PYROXD2: variants seen among roughly 807,000 people sequenced by gnomAD.
PYROXD2 encodes pyridine nucleotide-disulphide oxidoreductase domain 2.
In PYROXD2, 69 loss-of-function variants were observed where a neutral mutation model predicts 71.1. The observed-to-expected ratio is 0.97, with a 90% confidence interval of 0.80 to 1.19. The LOEUF is 1.19. Among genes scored for constraint, PYROXD2 ranks in the 50% most tolerant of loss-of-function variants. The pLI is 0.00. For synonymous variants in PYROXD2, 287 were observed against 302.7 expected (o/e 0.95, Z 0.54); for missense variants, 745 against 748.9 (o/e 0.99, Z 0.06).
intron 1 of PYROXD2, among the ~76,000 whole-genome samples, chr10:98,412,113 C>A (rs1413058786): frequency 6.6e-6 from 1 of 152,190 alleles, no homozygotes; most frequent in African/African-American, 2.4e-5. Flanking sequence ...AGGGACCCTG[C>A]AGTGTGGCAA....
rs1842888150 is a variant in PYROXD2 at position 98,389,818 on chromosome 10, G to A, written c.1292+780C>T. Reference sequence around the variant, plus strand: ...TTCCTCTCATGGATAGAGAGTCAACGACCTGAGACTTTCTTGGCTTTGCTT... The same window carrying A: ...TTCCTCTCATGGATAGAGAGTCAACAACCTGAGACTTTCTTGGCTTTGCTT... On this transcript the variant is annotated intron_variant, in intron 12 of 15. Coordinates refer to ENST00000370575, the MANE Select transcript of PYROXD2 (RefSeq NM_032709.3). Among the ~76,000 whole-genome samples, 3 of 152,134 alleles carry A rather than the reference G, an allele frequency of 2.0e-5. No homozygotes were observed. The South Asian group carries it at 6.2e-4, about 32-fold the overall frequency.
chr10:98,386,112 CA>C (rs35276474), intron 14 of PYROXD2, among the ~76,000 whole-genome samples: 42,150 of 133,828 alleles, frequency 0.31, 6,063 homozygotes, highest in South Asian at 0.44. Context: ...CTCATCTCTA[CA>C]AAAAAAAAAA....
In PYROXD2 at chr10:98,392,967, T is replaced by C. The variant is rs767895596; in HGVS notation, c.902A>G (p.His301Arg). 3.1e-6 allele frequency: 5 copies of C among 1,613,840 alleles called. No homozygotes were observed. Among genetic ancestry groups the C allele is most frequent in the Non-Finnish European group, 3.4e-6 (4 of 1,179,906 alleles). The stretch of plus-strand genomic sequence containing the variant: ...CTTTTCAGTGAAGATGCTTGCTCCA[T>C]GTGTGGTGGCTGAGCTTGCGATCGC... Reference protein sequence around the residue: ...SDAIASSATTHGASIFTEKTV... With the variant: ...SDAIASSATTRGASIFTEKTV... The change falls in exon 9 of 16, where the codon CAT becomes CGT. Residue 301 changes from histidine (H) to arginine (R), a missense_variant. By Grantham distance (29) the His-to-Arg change is conservative. Coordinates refer to ENST00000370575, the MANE Select transcript of PYROXD2 (RefSeq NM_032709.3).
Position 98,408,069 on chromosome 10 carries a change from C to T in PYROXD2, c.148-72G>A, listed in dbSNP as rs954454084. 2.1e-5 allele frequency: 30 copies of T among 1,450,132 alleles called. 1 individual carries two copies. In the East Asian group the frequency reaches 2.5e-4, roughly 12 times the overall value. The allele number at this position is 1,450,132 out of a possible 1,614,324, so 89.8% of individuals were successfully genotyped here. A position where few individuals can be genotyped will look rare whatever the true frequency, so the allele number is the denominator to read the frequency against. ...ATGTCAGGGCTCCCTCGGGCTGACCCGCAGACTAAGGTCCTCACTATAGGC... is the reference window on the plus strand; with the variant it reads ...ATGTCAGGGCTCCCTCGGGCTGACCTGCAGACTAAGGTCCTCACTATAGGC... On this transcript the variant is annotated intron_variant, in intron 2 of 15. Transcript: ENST00000370575.
At chr10:98,399,956 T>C in intron 5 of PYROXD2, 146 bp downstream of exon 5, 1 of 913,956 alleles carries the variant, frequency 1.1e-6, no homozygotes, top group Non-Finnish European at 1.6e-6. Flanking sequence ...GATCAAGAGC[T>C]GCCACCAACT....
chr10:98,392,999 G>A lies in PYROXD2; in HGVS notation c.870C>T (p.Leu290=), dbSNP rs982998005. Residue 290 remains leucine, a synonymous_variant, in exon 9 of 16, where the codon CTC becomes CTT. Transcript: ENST00000370575. ...WGYVQGGMGA[L]SDAIASSATT... is the part of the protein sequence containing the mutation. ...TGGCTGAGCTTGCGATCGCATCAGA[G>A]AGGGCACCCATGCCCCCCTGGACGT... 6.2e-7 allele frequency: 1 copy of A among 1,613,724 alleles called. No individual in the cohort carries two copies. The highest frequency in any genetic ancestry group is 8.5e-7 in the Non-Finnish European group (1 of 1,179,740).
chr10:98,386,824 T>C (rs1842769789), intron 14 of PYROXD2, among the ~76,000 whole-genome samples: 1 of 152,206 alleles, frequency 6.6e-6, no homozygotes, highest in Non-Finnish European at 1.5e-5. Flanking sequence ...GCCTCCTATC[T>C]GGTCTCCCTG....
intron 4 of PYROXD2, among the ~76,000 whole-genome samples, chr10:98,404,050 T>C (rs1056555046): frequency 2.6e-5 from 4 of 152,256 alleles, no homozygotes; most frequent in Admixed American, 2.6e-4. Context: ...TCATTCTTAA[T>C]GGTGTTAAAT....
intron 5 of PYROXD2, among the ~76,000 whole-genome samples, chr10:98,397,877 CTTTTTTTT>C (rs60678578): frequency 1.2e-5 from 1 of 84,172 alleles, no homozygotes; most frequent in Non-Finnish European, 2.2e-5. Flanking sequence ...GTCCTTTCTT[CTTTTTTTT>C]TTTTTTTTTT....
intron 13 of PYROXD2, 34 bp downstream of exon 13, chr10:98,388,320 T>C (rs751771652): frequency 1.2e-6 from 2 of 1,612,400 alleles, no homozygotes; most frequent in Non-Finnish European, 1.7e-6. Flanking sequence ...TGCCCGGCTG[T>C]GGCTCTGGAG....
chr10:98,400,276 A>G lies in PYROXD2; in HGVS notation c.316-19T>C, dbSNP rs1843348365. 6.3e-7 allele frequency: 1 copy of G among 1,596,636 alleles called. No homozygotes were observed. The highest frequency in any genetic ancestry group is 1.3e-5 in the African/African-American group (1 of 74,620). On this transcript the variant is annotated intron_variant, in intron 4 of 15. Transcript: ENST00000370575. ...CATGTTTCTGCAAAACACAAATAGC[A>G]TGGGCCACATATTAATGGCTCTGTG...
chr10:98,392,921 T>C, intron 9 of PYROXD2, 21 bp downstream of exon 9: 2 of 1,610,292 alleles, frequency 1.2e-6, no homozygotes, highest in East Asian at 2.2e-5. Context: ...ATAATTGGGG[T>C]GGGGTAGAGG....
intron 8 of PYROXD2, among the ~76,000 whole-genome samples, 153 bp from the exon 9 acceptor site, chr10:98,393,236 A>G (rs1843011837): frequency 6.6e-6 from 1 of 152,010 alleles, no homozygotes; most frequent in South Asian, 2.1e-4. Flanking sequence ...AAGTTCTTGT[A>G]AGAGCCCTTT....
intron 5 of PYROXD2, among the ~76,000 whole-genome samples, chr10:98,399,445 C>T (rs1007110643): frequency 1.3e-5 from 2 of 152,220 alleles, no homozygotes; most frequent in Non-Finnish European, 2.9e-5. Flanking sequence ...CCAACTGTGG[C>T]AGGGCCCTTA....
chr10:98,403,586 G>A (rs1298325089), intron 4 of PYROXD2, among the ~76,000 whole-genome samples: 1 of 152,188 alleles, frequency 6.6e-6, no homozygotes, highest in Non-Finnish European at 1.5e-5. Flanking sequence ...GCTCACGCCT[G>A]CCTGGGTGGG....
intron 8 of PYROXD2, among the ~76,000 whole-genome samples, chr10:98,394,740 G>A (rs1003405904): frequency 2.6e-5 from 4 of 152,078 alleles, no homozygotes; most frequent in Admixed American, 2.6e-4. Flanking sequence ...GTGTGAGTGT[G>A]TACCAGAGCC....
chr10:98,398,687 G>A (rs936419908), intron 5 of PYROXD2, among the ~76,000 whole-genome samples: 3 of 152,200 alleles, frequency 2.0e-5, no homozygotes, highest in African/African-American at 7.2e-5. Context: ...CTGGCATGTA[G>A]GGCCACAGCT....
At chr10:98,387,635 T>G (rs1415247203) in intron 13 of PYROXD2, among the ~76,000 whole-genome samples, 4 of 50,154 alleles carry the variant, frequency 8.0e-5, no homozygotes, top group African/African-American at 1.2e-4. Flanking sequence ...TTTTTTTTTT[T>G]TTTTTTTTTT....
rs141983019 is a variant in PYROXD2 at position 98,387,154 on chromosome 10, G to A, written c.1554+47C>T. 3.6e-5 allele frequency: 50 copies of A among 1,384,084 alleles called. 1 individual carries two copies. The East Asian group carries it at 1.1e-3, about 31-fold the overall frequency. 85.7% of individuals were successfully genotyped at this position (1,384,084 alleles called of 1,614,324 possible). A position where few individuals can be genotyped will look rare whatever the true frequency, so the allele number is the denominator to read the frequency against. On this transcript the variant is annotated intron_variant, in intron 14 of 15. Transcript: ENST00000370575. ...GAGAGGTCATAGCCAGGAAGTGAGG[G>A]TGCAGAGGGAAGGCTATGGTGAGAG...
Sources: allele counts gnomAD v4.1 joint callset (sites outside exome capture counted in the v4.1 genomes callset), GRCh38; gene constraint gnomAD v4.1.1; transcripts MANE v1.5; gene names NCBI Gene and HGNC (gene_info 2026-07-23, HGNC 2026-07-21).